The following CCDC178 variants were observed in gnomAD, a reference collection of about 807,000 sequenced individuals.
The protein encoded by CCDC178 is coiled-coil domain containing 178, also known as coiled-coil domain-containing protein 178.
Under a neutral mutation model 117.4 loss-of-function variants are expected in CCDC178, and 126 were observed. That is an observed-to-expected ratio of 1.07 (90% CI 0.93 to 1.24). The LOEUF (loss-of-function observed/expected upper bound fraction) is 1.24, where lower values mean the gene tolerates loss of function less well. CCDC178 is among the 50% of genes most tolerant of loss of function. The pLI, the probability that CCDC178 is intolerant of heterozygous loss-of-function variation, is 0.00. For synonymous variants in CCDC178, 283 were observed against 313.4 expected (o/e 0.90, Z 1.02); for missense variants, 1,030 against 986.9 (o/e 1.04, Z -0.59).
intron 21 of CCDC178, among the ~76,000 whole-genome samples, chr18:33,012,124 T>A (rs186154090): frequency 6.6e-6 from 1 of 152,370 alleles, no homozygotes; most frequent in East Asian, 1.9e-4. Context: ...ATTCATTTAG[T>A]TTCTTTCATT....
At chr18:33,032,132 G>T (rs1329659128) in intron 21 of CCDC178, among the ~76,000 whole-genome samples, 1 of 152,066 alleles carries the variant, frequency 6.6e-6, no homozygotes, top group Non-Finnish European at 1.5e-5. Flanking sequence ...AGGCCTCTGG[G>T]GTGCTAGTGC....
At chr18:33,069,003 G>A (rs1449743752) in intron 21 of CCDC178, among the ~76,000 whole-genome samples, 2 of 151,944 alleles carry the variant, frequency 1.3e-5, no homozygotes, top group Non-Finnish European at 2.9e-5. Context: ...CAAAAATCAG[G>A]AGCATTTGTA....
At chr18:33,026,541 G>A (rs1012984081) in intron 21 of CCDC178, among the ~76,000 whole-genome samples, 12 of 151,968 alleles carry the variant, frequency 7.9e-5, no homozygotes, top group African/African-American at 2.6e-4. Context: ...AAAACAGTAT[G>A]AATACAAAGA....
At chr18:33,219,925 GATA>G (rs906317556) in intron 18 of CCDC178, among the ~76,000 whole-genome samples, 38 of 151,674 alleles carry the variant, frequency 2.5e-4, no homozygotes, top group African/African-American at 9.2e-4. Flanking sequence ...GTATAATAAT[GATA>G]ATAATAATAA....
At chr18:33,127,684 T>C (rs955663440) in intron 20 of CCDC178, among the ~76,000 whole-genome samples, 6 of 152,126 alleles carry the variant, frequency 3.9e-5, no homozygotes, top group African/African-American at 1.4e-4. Flanking sequence ...TCCACCTTCC[T>C]CGGCCTCTCA....
intron 21 of CCDC178, among the ~76,000 whole-genome samples, chr18:33,053,975 T>A (rs749228518): frequency 1.3e-5 from 2 of 152,196 alleles, no homozygotes; most frequent in Non-Finnish European, 2.9e-5. Context: ...ATAGTTTTCA[T>A]ATACTATTTA....
intron 21 of CCDC178, among the ~76,000 whole-genome samples, chr18:32,982,726 G>A (rs1242707686): frequency 6.6e-6 from 1 of 152,026 alleles, no homozygotes; most frequent in Non-Finnish European, 1.5e-5. Context: ...TAACAGAATC[G>A]CTGCAATAAA....
intron 21 of CCDC178, among the ~76,000 whole-genome samples, chr18:33,007,129 A>T (rs774564823): frequency 1.4e-4 from 21 of 152,186 alleles, no homozygotes; most frequent in East Asian, 1.2e-3. Flanking sequence ...ATTATAAACT[A>T]CTTCGGTATA....
At chr18:33,290,059 C>G (rs186773033) in intron 12 of CCDC178, among the ~76,000 whole-genome samples, 1 of 152,202 alleles carries the variant, frequency 6.6e-6, no homozygotes, top group East Asian at 1.9e-4. Flanking sequence ...TAATCTATCT[C>G]CCTGAGATAT....
intron 10 of CCDC178, among the ~76,000 whole-genome samples, chr18:33,328,639 G>A (rs2062621812): frequency 6.6e-6 from 1 of 152,052 alleles, no homozygotes; most frequent in African/African-American, 2.4e-5. Flanking sequence ...GTTTATTTCT[G>A]AAATTTCAGT....
At chr18:32,975,916 T>C (rs981064273) in intron 21 of CCDC178, among the ~76,000 whole-genome samples, 1 of 152,146 alleles carries the variant, frequency 6.6e-6, no homozygotes, top group Admixed American at 6.6e-5. Flanking sequence ...TGTATATATA[T>C]TTCAATAAAA....
At chr18:33,190,289 T>C (rs1379041285) in intron 20 of CCDC178, among the ~76,000 whole-genome samples, 1 of 152,194 alleles carries the variant, frequency 6.6e-6, no homozygotes, top group African/African-American at 2.4e-5. Flanking sequence ...GTGTATTAGG[T>C]TGAATTCCTA....
intron 20 of CCDC178, among the ~76,000 whole-genome samples, chr18:33,118,339 T>C (rs2144198613): frequency 6.6e-6 from 1 of 152,138 alleles, no homozygotes. Context: ...CATGGTGCTA[T>C]TTCTCTCACA....
Position 33,384,896 on chromosome 18 carries a change from C to T in CCDC178, c.208+4644G>A, listed in dbSNP as rs2063476777. 2.6e-5 allele frequency among the ~76,000 whole-genome samples: 4 copies of T among 152,118 alleles called. No homozygotes were observed. The South Asian group carries it at 8.3e-4, about 32-fold the overall frequency. On this transcript the variant is annotated intron_variant, in intron 5 of 22. Transcript: ENST00000383096. ...CCTTAAATATAAATAGCCTAAACGC[C>T]CCAATTAAAAAACACAGAATGGCAA...
chr18:33,184,082 T>C (rs2058762235), intron 20 of CCDC178, among the ~76,000 whole-genome samples: 1 of 152,084 alleles, frequency 6.6e-6, no homozygotes, highest in Non-Finnish European at 1.5e-5. Context: ...GTTTGAACTG[T>C]AGATTTGGAT....
intron 3 of CCDC178, among the ~76,000 whole-genome samples, chr18:33,405,262 A>G (rs1396981610): frequency 6.6e-6 from 1 of 151,750 alleles, no homozygotes; most frequent in Non-Finnish European, 1.5e-5. Context: ...TGTTATTTAT[A>G]TAATTTAAAT....
intron 20 of CCDC178, among the ~76,000 whole-genome samples, chr18:33,138,609 T>C (rs1413653374): frequency 1.3e-5 from 2 of 152,186 alleles, no homozygotes; most frequent in African/African-American, 4.8e-5. Flanking sequence ...TAAAAAATAA[T>C]CTTTATTTCT....
At chr18:33,204,238 ATATT>A (rs1362904378) in intron 20 of CCDC178, among the ~76,000 whole-genome samples, 22 of 152,304 alleles carry the variant, frequency 1.4e-4, no homozygotes, top group African/African-American at 4.6e-4. Flanking sequence ...TAAATATTTC[ATATT>A]TATTTGAGCA....
chr18:33,338,048 T>C (rs2062765071), intron 9 of CCDC178, among the ~76,000 whole-genome samples: 1 of 151,822 alleles, frequency 6.6e-6, no homozygotes, highest in African/African-American at 2.4e-5. Context: ...AGAACTCAAA[T>C]CAGCCAGAAA....
Sources: allele counts gnomAD v4.1 joint callset (sites outside exome capture counted in the v4.1 genomes callset), GRCh38; gene constraint gnomAD v4.1.1; transcripts MANE v1.5; gene names NCBI Gene and HGNC (gene_info 2026-07-23, HGNC 2026-07-21).